TRMO: variants seen among roughly 807,000 people sequenced by gnomAD.
TRMO encodes the protein tRNA methyltransferase O.
TRMO carries 30 observed loss-of-function variants against 37.2 expected under a neutral mutation model. The observed-to-expected ratio is 0.81, with a 90% confidence interval of 0.60 to 1.09. The LOEUF is 1.09. Among genes scored for constraint, TRMO ranks in the 50% least tolerant of loss-of-function variants. The probability of loss-of-function intolerance (pLI) is 0.00; values close to 1 mark genes in which losing one functional copy is unlikely to be tolerated. For missense variants in TRMO, 552 were observed against 549.5 expected (o/e 1.00, Z -0.05); for synonymous variants, 239 against 199.4 (o/e 1.20, Z -1.67).
Position 97,916,318 on chromosome 9 carries a change from C to G in TRMO, c.97G>C (p.Val33Leu). Residue 33 changes from valine to leucine, a missense_variant, in exon 2 of 5, where the codon GTC (valine) becomes CTC (leucine). Val to Leu is a conservative substitution (Grantham distance 32, BLOSUM62 1). Transcript: ENST00000375119. ...GAGAAACAAGATTCCAAGTAGCCGA[C>G]TGGCTCAGTTAAAAGATTCCCTACA... ...LETGNLLTEP[V>L]GYLESCFSAK... The G allele has an allele frequency of 6.2e-7, 1 of 1,612,574 alleles. No homozygotes were observed. Among genetic ancestry groups the G allele is most frequent in the Non-Finnish European group, 8.5e-7 (1 of 1,179,406 alleles).
chr9:97,899,651 C>T (rs769364438), downstream of TRMO, among the ~76,000 whole-genome samples: 2 of 151,976 alleles, frequency 1.3e-5, no homozygotes, highest in Admixed American at 6.6e-5. Context: ...TTTAGGAGGC[C>T]GAGGCAGGCA....
intron 4 of TRMO, 98 bp from the exon 5 acceptor site, chr9:97,905,090 C>T: frequency 7.8e-7 from 1 of 1,276,016 alleles, no homozygotes; most frequent in Non-Finnish European, 1.1e-6. Context: ...CCTTAAAGAT[C>T]ACTTGACATG....
At chr9:97,898,532 C>T in the TRMO span, among the ~76,000 whole-genome samples, 1 of 151,784 alleles carries the variant, frequency 6.6e-6, no homozygotes, top group Non-Finnish European at 1.5e-5. Context: ...TATATATATA[C>T]ATTTGTATAT....
downstream of TRMO, among the ~76,000 whole-genome samples, chr9:97,902,100 A>G (rs6478471): frequency 0.72 from 110,223 of 152,154 alleles, 41,312 homozygotes; most frequent in East Asian, 0.92. Context: ...TAGTGGGCAG[A>G]GCTGTCGGAG....
chr9:97,902,059 T>C (rs756859341), downstream of TRMO, among the ~76,000 whole-genome samples: 8 of 152,190 alleles, frequency 5.3e-5, no homozygotes, highest in South Asian at 2.1e-4. Flanking sequence ...ACAGGCTAAC[T>C]TGGGAGGGCA....
intron 3 of TRMO, 132 bp from the exon 4 acceptor site, chr9:97,910,748 T>A: frequency 2.0e-6 from 2 of 1,008,148 alleles, no homozygotes; most frequent in Non-Finnish European, 2.9e-6. Flanking sequence ...ACAGACCTAG[T>A]ACCAACACAC....
chr9:97,916,481 T>C, intron 1 of TRMO, 143 bp from the exon 2 acceptor site: 1 of 612,648 alleles, frequency 1.6e-6, no homozygotes, highest in South Asian at 2.1e-5. Flanking sequence ...ATAGTATTCA[T>C]GAATACGTAT....
At chr9:97,920,310 C>G (rs1826566876) in intron 1 of TRMO, among the ~76,000 whole-genome samples, 1 of 152,154 alleles carries the variant, frequency 6.6e-6, no homozygotes, top group Non-Finnish European at 1.5e-5. Context: ...ATGACAAAAA[C>G]CAGCACAAGA....
At chr9:97,897,240 C>T in the TRMO span, among the ~76,000 whole-genome samples, 2 of 152,154 alleles carry the variant, frequency 1.3e-5, no homozygotes, top group Non-Finnish European at 2.9e-5. Flanking sequence ...TATGTAATAA[C>T]CTTTCTGGAA....
At chr9:97,907,486 T>C (rs1179677135) in intron 4 of TRMO, among the ~76,000 whole-genome samples, 4 of 152,192 alleles carry the variant, frequency 2.6e-5, no homozygotes, top group Admixed American at 6.5e-5. Flanking sequence ...TCCCTGCTAG[T>C]AAAGCAGGGG....
intron 4 of TRMO, among the ~76,000 whole-genome samples, chr9:97,909,101 CCTGCCACCAA>C (rs1564106250): frequency 3.3e-5 from 5 of 152,104 alleles, no homozygotes; most frequent in Non-Finnish European, 7.4e-5. Flanking sequence ...ATTACAGGCA[CCTGCCACCAA>C]AACTGGCTTT....
chr9:97,909,875 C>A (rs186478738), intron 4 of TRMO, 85 bp downstream of exon 4: 66 of 1,002,866 alleles, frequency 6.6e-5, no homozygotes, highest in Non-Finnish European at 9.5e-5. Context: ...AAACACTCCA[C>A]ATACCTGCCT....
At chr9:97,908,411 C>CAAAAAAA (rs34633871) in intron 4 of TRMO, among the ~76,000 whole-genome samples, 2 of 98,802 alleles carry the variant, frequency 2.0e-5, no homozygotes, top group African/African-American at 4.0e-5. Flanking sequence ...GACTCCGTCT[C>CAAAAAAA]AAAAAAAAAA....
chr9:97,913,186 T>C, intron 3 of TRMO: 1 of 490,884 alleles, frequency 2.0e-6, no homozygotes, highest in Non-Finnish European at 3.7e-6. Context: ...ATATATGCAA[T>C]AATATAAACA....
chr9:97,900,252 C>T (rs867693234), downstream of TRMO, among the ~76,000 whole-genome samples: 2 of 152,278 alleles, frequency 1.3e-5, no homozygotes, highest in South Asian at 4.1e-4. Context: ...GACACTTTCC[C>T]AAGCATTATC....
rs2282192 is a variant in TRMO at position 97,910,056 on chromosome 9, C to A, written c.970G>T (p.Val324Leu). 6.2e-7 allele frequency: 1 copy of A among 1,612,372 alleles called. No homozygotes were observed. The highest frequency in any genetic ancestry group is 1.1e-5 in the South Asian group (1 of 91,054). The change falls in exon 4 of 5, where the codon GTG becomes TTG. Residue 324 changes from valine to leucine, a missense_variant. Transcript: ENST00000375119. ...AGRADGAPRS[V>L]VPAWVTEAPV... is the part of the protein sequence containing the mutation. ...GCCTCTGTCACCCAGGCAGGAACCA[C>A]GCTGCGGGGAGCTCCATCAGCCCTT...
At chr9:97,900,307 G>A (rs1394067452), downstream of TRMO, among the ~76,000 whole-genome samples, 2 of 152,264 alleles carry the variant, frequency 1.3e-5, no homozygotes, top group Admixed American at 6.5e-5. Context: ...GCAGGGTGCA[G>A]TGACTTGCCT....
chr9:97,922,208 A>C (rs1446466271), intron 1 of TRMO, among the ~76,000 whole-genome samples: 1 of 152,228 alleles, frequency 6.6e-6, no homozygotes, highest in Non-Finnish European at 1.5e-5. Context: ...TACAAGTCTT[A>C]TAACAAAGCG....
chr9:97,913,270 A>G, intron 3 of TRMO, 131 bp downstream of exon 3: 1 of 960,864 alleles, frequency 1.0e-6, no homozygotes, highest in Non-Finnish European at 1.6e-6. Context: ...TATTTTCTTC[A>G]ATGTCTGGTG....
Sources: gnomAD v4.1 joint callset for allele counts (sites outside exome capture counted in the v4.1 genomes callset) on GRCh38, gnomAD v4.1.1 for gene constraint, MANE v1.5 for transcripts, NCBI Gene and HGNC (gene_info 2026-07-23, HGNC 2026-07-21) for gene names.